Variants in RSPO3 observed in about 807,000 individuals in gnomAD.
The protein encoded by RSPO3 is R-spondin 3.
A neutral mutation model predicts 36.5 loss-of-function variants in RSPO3; 17 were observed. The ratio of observed to expected loss-of-function variants is 0.47; its 90% CI spans 0.32 to 0.70. The LOEUF is 0.70. Among genes scored for constraint, RSPO3 ranks in the 30% least tolerant of loss-of-function variants. The pLI is 0.04. For missense variants in RSPO3, 294 were observed against 322.5 expected (o/e 0.91, Z 0.68); for synonymous variants, 108 against 107.0 (o/e 1.01, Z -0.06).
chr6:127,126,324 C>A (rs151282957), intron 1 of RSPO3, among the ~76,000 whole-genome samples: 162 of 152,080 alleles, frequency 1.1e-3, no homozygotes, highest in African/African-American at 3.8e-3. Flanking sequence ...CCTACTGATA[C>A]GGGGGTGTAA....
intron 4 of RSPO3, among the ~76,000 whole-genome samples, chr6:127,188,248 T>TTG (rs1775335283): frequency 6.6e-6 from 1 of 152,194 alleles, no homozygotes; most frequent in African/African-American, 2.4e-5. Context: ...TAAAGGCCTA[T>TTG]TGGCAATGGT....
intron 4 of RSPO3, among the ~76,000 whole-genome samples, chr6:127,171,762 A>T (rs1003016026): frequency 1.3e-5 from 2 of 151,638 alleles, no homozygotes; most frequent in African/African-American, 4.8e-5. Context: ...TAGGTTGCAA[A>T]CTAGCTTCAA....
intron 1 of RSPO3, among the ~76,000 whole-genome samples, chr6:127,132,044 G>A (rs1774069458): frequency 1.3e-5 from 2 of 152,032 alleles, no homozygotes; most frequent in African/African-American, 2.4e-5. Context: ...TCATATTCTA[G>A]CAGGAAAACC....
chr6:127,133,805 T>C (rs970244708), intron 1 of RSPO3, among the ~76,000 whole-genome samples: 1 of 152,172 alleles, frequency 6.6e-6, no homozygotes, highest in African/African-American at 2.4e-5. Context: ...CATACATTCA[T>C]TTATTTATTT....
At chr6:127,141,161 G>GTGCTC (rs1271951908) in intron 1 of RSPO3, among the ~76,000 whole-genome samples, 1 of 152,176 alleles carries the variant, frequency 6.6e-6, no homozygotes, top group Non-Finnish European at 1.5e-5. Context: ...CACTGTGGGT[G>GTGCTC]AAATTTTTGT....
intron 4 of RSPO3, among the ~76,000 whole-genome samples, chr6:127,181,812 A>G (rs1775192325): frequency 1.3e-5 from 2 of 151,934 alleles, no homozygotes; most frequent in Non-Finnish European, 2.9e-5. Context: ...AGATAAGGGA[A>G]TGGCTTATAT....
Position 127,155,344 on chromosome 6 carries a change from A to G in RSPO3, c.540A>G (p.Ile180Met). The G allele has an allele frequency of 6.2e-7, 1 of 1,613,952 alleles. No homozygotes were observed. The highest frequency in any genetic ancestry group is 1.1e-5 in the South Asian group (1 of 91,088). Residue 180 changes from isoleucine (I) to methionine (M), a missense_variant, in exon 4 of 5, where the codon ATA (isoleucine) becomes ATG (methionine). Transcript: ENST00000356698. ...CTGAAACACGGGTCCGAGAAATAAT[A>G]CAGCATCCTTCAGCAAAGGGTAACC... Reference protein sequence around the residue: ...RGTETRVREIIQHPSAKGNLC... With the variant: ...RGTETRVREIMQHPSAKGNLC...
At position 127,195,909 on chromosome 6, in the gene RSPO3, A is replaced by AGCAAAAGTCTGGAATCCG; in HGVS notation, c.726_727insAGTCTGGAATCCGGCAAA (p.Lys242_Glu243insSerLeuGluSerGlyLys). ...ACCTGACAGCAAAAGTCTGGAATCC[A>AGCAAAAGTCTGGAATCCG]GCAAAGAAATCCCAGAGCAACGAGA... On this transcript the variant is annotated inframe_insertion, in exon 5 of 5. Coordinates refer to ENST00000356698, the MANE Select transcript of RSPO3 (RefSeq NM_032784.5). 2 of 1,613,464 alleles carry AGCAAAAGTCTGGAATCCG rather than the reference A, an allele frequency of 1.2e-6. No individual in the cohort carries two copies. The highest frequency in any genetic ancestry group is 1.7e-6 in the Non-Finnish European group (2 of 1,179,584).
At chr6:127,140,489 G>A (rs1774247711) in intron 1 of RSPO3, among the ~76,000 whole-genome samples, 2 of 152,084 alleles carry the variant, frequency 1.3e-5, no homozygotes, top group Non-Finnish European at 2.9e-5. Context: ...TTCAAAGATT[G>A]GAATCTGGAT....
At chr6:127,125,647 A>G (rs1021848706) in intron 1 of RSPO3, among the ~76,000 whole-genome samples, 16 of 152,312 alleles carry the variant, frequency 1.1e-4, no homozygotes, top group African/African-American at 3.1e-4. Context: ...ATAAACATTC[A>G]TTGATTATAA....
At chr6:127,167,982 T>C (rs1774856478) in intron 4 of RSPO3, among the ~76,000 whole-genome samples, 1 of 152,160 alleles carries the variant, frequency 6.6e-6, no homozygotes, top group African/African-American at 2.4e-5. Flanking sequence ...GGTGTATATG[T>C]GCCACATTTT....
intron 4 of RSPO3, 92 bp downstream of exon 4, chr6:127,155,530 T>A: frequency 1.7e-6 from 2 of 1,156,460 alleles, no homozygotes; most frequent in Non-Finnish European, 2.5e-6. Context: ...GGCATTATCT[T>A]TCATGCCTAA....
chr6:127,143,381 A>G (rs910656082), intron 1 of RSPO3, among the ~76,000 whole-genome samples: 3 of 152,184 alleles, frequency 2.0e-5, no homozygotes, highest in Non-Finnish European at 4.4e-5. Context: ...TATAGAATTC[A>G]GTTGGTCTCT....
In RSPO3 at chr6:127,155,244, A is replaced by C. The variant is rs1411715679; in HGVS notation, c.440A>C (p.His147Pro). ...NHTMECVSIV[H>P]CEVSEWNPWS... The stretch of plus-strand genomic sequence containing the variant: ...TGTTTCTTCTGTTCTGTTTCAGTGC[A>C]CTGTGAGGTCAGTGAATGGAATCCT... Residue 147 changes from histidine to proline, a missense_variant, in exon 4 of 5, where the codon CAC becomes CCC. Coordinates refer to ENST00000356698, the MANE Select transcript of RSPO3 (RefSeq NM_032784.5). 6.2e-7 allele frequency: 1 copy of C among 1,613,784 alleles called. No individual in the cohort carries two copies. Among genetic ancestry groups the C allele is most frequent in the South Asian group, 1.1e-5 (1 of 91,080 alleles).
At chr6:127,152,238 T>G (rs533349215) in intron 3 of RSPO3, among the ~76,000 whole-genome samples, 4 of 152,294 alleles carry the variant, frequency 2.6e-5, no homozygotes, top group African/African-American at 9.6e-5. Context: ...ATTACTGAGT[T>G]TGGTTCATTT....
intron 4 of RSPO3, among the ~76,000 whole-genome samples, chr6:127,180,487 C>CAAAAAAAA (rs71543112): frequency 2.8e-4 from 12 of 42,644 alleles, no homozygotes; most frequent in Non-Finnish European, 3.8e-4. Context: ...TGGAAGAAAA[C>CAAAAAAAA]AAAAAAAAAA....
chr6:127,148,590 G>T (rs1323120450), intron 1 of RSPO3, 58 bp from the exon 2 acceptor site: 1 of 1,422,156 alleles, frequency 7.0e-7, no homozygotes, highest in Non-Finnish European at 9.6e-7. Context: ...CCCAGAAAAT[G>T]TCATTTTTTT....
Position 127,119,149 on chromosome 6 carries a change from T to A in RSPO3, c.-44T>A, listed in dbSNP as rs769907246. 7.2e-7 allele frequency: 1 copy of A among 1,383,240 alleles called. No individual in the cohort carries two copies. Among genetic ancestry groups the A allele is most frequent in the Admixed American group, 1.8e-5 (1 of 56,472 alleles). 85.7% of individuals were successfully genotyped at this position (1,383,240 alleles called of 1,614,324 possible). On this transcript the variant is annotated 5_prime_UTR_variant, in exon 1 of 5. Coordinates refer to ENST00000356698, the MANE Select transcript of RSPO3 (RefSeq NM_032784.5). ...TAAAAACATTAAATATAATTAACAA[T>A]CAAAAGAAAGAGGAGAAAGGAAGGG...
intron 3 of RSPO3, among the ~76,000 whole-genome samples, chr6:127,151,478 C>T (rs1774490090): frequency 1.3e-5 from 2 of 151,854 alleles, no homozygotes; most frequent in South Asian, 2.1e-4. Flanking sequence ...TTTGATGCTG[C>T]GGTGATGTTG....
Sources: gnomAD v4.1 joint callset for allele counts (sites outside exome capture counted in the v4.1 genomes callset) on GRCh38, gnomAD v4.1.1 for gene constraint, MANE v1.5 for transcripts, NCBI Gene and HGNC (gene_info 2026-07-23, HGNC 2026-07-21) for gene names.